Variants in PRSS23 observed in about 807,000 individuals in gnomAD.
PRSS23 encodes the protein serine protease 23, also known as protease, serine 23.
In PRSS23, 25 loss-of-function variants were observed where a neutral mutation model predicts 34.7. That is an observed-to-expected ratio of 0.72 (90% CI 0.53 to 1.01). The LOEUF is 1.01. Among genes scored for constraint, PRSS23 ranks in the 50% least tolerant of loss-of-function variants. The pLI, the probability that PRSS23 is intolerant of heterozygous loss-of-function variation, is 0.00. For missense variants in PRSS23, 445 were observed against 475.6 expected (o/e 0.94, Z 0.60); for synonymous variants, 176 against 186.6 (o/e 0.94, Z 0.46).
chr11:86,816,026 G>A (rs1015763685), downstream of PRSS23, among the ~76,000 whole-genome samples: 3 of 152,100 alleles, frequency 2.0e-5, no homozygotes, highest in African/African-American at 7.2e-5. Context: ...GAGAAGTTTA[G>A]TTTTCTTAGC....
In PRSS23 at chr11:86,933,982, C is replaced by T. The variant is rs888149197; in HGVS notation, c.207-17234C>T. On this transcript the variant is annotated intron_variant, in intron 2 of 2. Transcript: ENST00000533902. ...TCCATGAAAAGAAAAGCTGGAGACA[C>T]GTCAAAGCCTGTTTTGATTTAAGTG... The T allele has an allele frequency of 3.9e-5, 6 of 152,240 alleles. No individual in the cohort carries two copies. In the South Asian group the frequency reaches 8.3e-4, roughly 21 times the overall value. 9.4% of individuals were successfully genotyped at this position (152,240 alleles called of 1,614,324 possible).
intron 1 of PRSS23, among the ~76,000 whole-genome samples, chr11:86,791,892 T>C (rs1055542642): frequency 1.3e-5 from 2 of 152,244 alleles, no homozygotes; most frequent in Admixed American, 6.5e-5. Flanking sequence ...AATGAGCTTT[T>C]ATACCAGTAG....
At chr11:86,833,354 G>T (rs1948376042) in intron 2 of PRSS23, 1 of 884,852 alleles carries the variant, frequency 1.1e-6, no homozygotes, top group African/African-American at 1.7e-5. Flanking sequence ...ACCATGACTA[G>T]GTACATGAAC....
chr11:86,816,562 C>T (rs1948216344), intron 1 of PRSS23, among the ~76,000 whole-genome samples: 2 of 152,180 alleles, frequency 1.3e-5, no homozygotes, highest in African/African-American at 2.4e-5. Flanking sequence ...ACTTGCTCCA[C>T]CCCCAGTTCC....
chr11:86,951,404 A>G lies in PRSS23; in HGVS notation c.*119A>G. The stretch of plus-strand genomic sequence containing the variant: ...GATTTCATAAAAATAACAGGCAATC[A>G]CACACGTTGCAGGAACTGTGTACAG... On this transcript the variant is annotated 3_prime_UTR_variant, in exon 3 of 3. Coordinates refer to the PRSS23 transcript ENST00000533902. The G allele has an allele frequency of 1.2e-6, 2 of 1,613,462 alleles. No individual in the cohort carries two copies. Among genetic ancestry groups the G allele is most frequent in the Non-Finnish European group, 1.7e-6 (2 of 1,179,334 alleles).
intron 1 of PRSS23, among the ~76,000 whole-genome samples, chr11:86,792,689 T>C (rs1226666880): frequency 5.3e-5 from 8 of 152,170 alleles, no homozygotes; most frequent in Non-Finnish European, 1.5e-5. Context: ...CCAACAAAAA[T>C]ACTTTGTAGA....
rs1357937858 is a variant in PRSS23, at chr11:86,809,542, A to G, written c.*747A>G. The G allele has an allele frequency of 6.0e-6, 1 of 167,054 alleles. No homozygotes were observed. Among genetic ancestry groups the G allele is most frequent in the African/African-American group, 2.4e-5 (1 of 41,456 alleles). The allele number at this position is 167,054 out of a possible 1,614,324, so 10.3% of individuals were successfully genotyped here. The stretch of plus-strand genomic sequence containing the variant: ...TTAAAGTCATACCAGAGTGGCCAAG[A>G]GTGTTTATCCCAACCCTTCCATTTA... On this transcript the variant is annotated 3_prime_UTR_variant, in exon 2 of 2. Coordinates refer to ENST00000280258, the MANE Select transcript of PRSS23 (RefSeq NM_007173.6).
intron 2 of PRSS23, among the ~76,000 whole-genome samples, chr11:86,873,652 G>A (rs548704057): frequency 6.6e-6 from 1 of 152,054 alleles, no homozygotes; most frequent in African/African-American, 2.4e-5. Context: ...CCCATGCAAG[G>A]CCACTCAGAG....
chr11:86,941,169 TCAG>T (rs1949204908), intron 2 of PRSS23: 1 of 152,230 alleles, frequency 6.6e-6, no homozygotes, highest in Non-Finnish European at 1.5e-5. Flanking sequence ...CATATTTACA[TCAG>T]CAGATGTGTC....
intron 2 of PRSS23, among the ~76,000 whole-genome samples, chr11:86,932,061 G>A (rs987842771): frequency 1.3e-5 from 2 of 152,194 alleles, no homozygotes. Context: ...ATTTGGAGGT[G>A]ATGGAGACTT....
At chr11:86,877,913 G>C (rs1198845146) in intron 2 of PRSS23, among the ~76,000 whole-genome samples, 1 of 149,762 alleles carries the variant, frequency 6.7e-6, no homozygotes, top group African/African-American at 2.5e-5. Context: ...GATAATTATT[G>C]CATTGACTCT....
At chr11:86,826,645 T>A (rs1417062537) in intron 2 of PRSS23, among the ~76,000 whole-genome samples, 2 of 152,324 alleles carry the variant, frequency 1.3e-5, no homozygotes, top group African/African-American at 4.8e-5. Flanking sequence ...TAGATAGCTC[T>A]TATTATTTTG....
intron 2 of PRSS23, among the ~76,000 whole-genome samples, chr11:86,902,551 G>A (rs1360661973): frequency 6.6e-6 from 1 of 152,152 alleles, no homozygotes; most frequent in Admixed American, 6.5e-5. Flanking sequence ...TTGGTGAGCT[G>A]CCACCAGATA....
intron 1 of PRSS23, among the ~76,000 whole-genome samples, chr11:86,818,751 T>G (rs1406918367): frequency 6.6e-6 from 1 of 152,190 alleles, no homozygotes; most frequent in Non-Finnish European, 1.5e-5. Context: ...AGTTTGATCT[T>G]TTCCACACCT....
At chr11:86,831,988 C>T (rs1168809538) in intron 2 of PRSS23, among the ~76,000 whole-genome samples, 1 of 151,608 alleles carries the variant, frequency 6.6e-6, no homozygotes, top group Non-Finnish European at 1.5e-5. Context: ...GACCTTACTC[C>T]TAATGTTCGA....
At chr11:86,933,144 G>A (rs1163287454) in intron 2 of PRSS23, 1 of 152,282 alleles carries the variant, frequency 6.6e-6, no homozygotes, top group African/African-American at 2.4e-5. Flanking sequence ...CAGGCTGGCG[G>A]GCACGCTGAC....
intron 2 of PRSS23, among the ~76,000 whole-genome samples, chr11:86,871,767 G>T (rs1002173486): frequency 3.3e-5 from 5 of 152,186 alleles, no homozygotes. Flanking sequence ...GATATAGAAA[G>T]TCAGGAGGTA....
chr11:86,888,167 T>C (rs1463119252), intron 2 of PRSS23, among the ~76,000 whole-genome samples: 1 of 151,156 alleles, frequency 6.6e-6, no homozygotes, highest in Non-Finnish European at 1.5e-5. Flanking sequence ...AAGGCATGGT[T>C]AATTCTGCTC....
At chr11:86,794,804 A>T (rs1947970770) in intron 1 of PRSS23, among the ~76,000 whole-genome samples, 1 of 152,132 alleles carries the variant, frequency 6.6e-6, no homozygotes, top group Admixed American at 6.6e-5. Flanking sequence ...TGGGGGTTTT[A>T]CTTTTTACAA....
Sources: gnomAD v4.1 joint callset for allele counts (sites outside exome capture counted in the v4.1 genomes callset) on GRCh38, gnomAD v4.1.1 for gene constraint, MANE v1.5 for transcripts, NCBI Gene and HGNC (gene_info 2026-07-23, HGNC 2026-07-21) for gene names.